CUL7: variants seen among roughly 807,000 people sequenced by gnomAD.
The protein encoded by CUL7 is cullin-7.
Under a neutral mutation model 177.7 loss-of-function variants are expected in CUL7, and 96 were observed. The observed-to-expected ratio is 0.54, with a 90% CI of 0.46 to 0.64. CUL7 has a LOEUF of 0.64. Among genes scored for constraint, CUL7 ranks in the 30% least tolerant of loss-of-function variants. The probability of loss-of-function intolerance (pLI) is 0.00; values close to 1 mark genes in which losing one functional copy is unlikely to be tolerated. For synonymous variants in CUL7, 824 were observed against 890.2 expected (o/e 0.93, Z 1.32); for missense variants, 1,893 against 2,187.9 (o/e 0.87, Z 2.69).
At position 43,051,886 on chromosome 6, in the gene CUL7, C is replaced by A; in HGVS notation, c.581-123G>T. On this transcript the variant is annotated intron_variant, in intron 2 of 25. Transcript: ENST00000265348. This position sits in a 1 kb window ranked among gnomAD's most constrained non-coding sequence, Gnocchi z 5.0. ...ACAATGAGAAAGAACTGATTTGCTT[C>A]AAAAGCTAAAATTTGCTAACTTATA... The A allele has an allele frequency of 7.5e-7, 1 of 1,340,954 alleles. No individual in the cohort carries two copies. 83.1% of individuals were successfully genotyped at this position (1,340,954 alleles called of 1,614,324 possible).
Position 43,051,521 on chromosome 6 carries a change from C to G in CUL7, c.733-53G>C, listed in dbSNP as rs1764409834. On this transcript the variant is annotated intron_variant, in intron 3 of 25. Coordinates refer to ENST00000265348, the MANE Select transcript of CUL7 (RefSeq NM_014780.5). The surrounding 1 kb of genome is among the most constrained non-coding windows in gnomAD (Gnocchi z 5.0). Reference sequence around the variant, plus strand: ...CCACCTTGTCCCAGTTTAAGCCCCTCTCTCCATACCATCCTCTGCAGATAG... The same window carrying G: ...CCACCTTGTCCCAGTTTAAGCCCCTGTCTCCATACCATCCTCTGCAGATAG... The G allele has an allele frequency of 6.2e-7, 1 of 1,614,032 alleles. No homozygotes were observed. The highest frequency in any genetic ancestry group is 8.5e-7 in the Non-Finnish European group (1 of 1,180,004).
At position 43,042,940 on chromosome 6, in the gene CUL7, C is replaced by T; in HGVS notation, c.3507G>A (p.Val1169=). 1.9e-6 allele frequency: 3 copies of T among 1,614,164 alleles called. No individual in the cohort carries two copies. Among genetic ancestry groups the T allele is most frequent in the Non-Finnish European group, 2.5e-6 (3 of 1,180,022 alleles). ...TATTAAAGTGCTCACAGTAGCGTGG[C>T]ACAAAGTCATCATCCCGCCAGGATG... is the stretch of plus-strand genomic sequence containing the variant. ...LTSSWRDDDF[V]PRYCEHFNIL... Residue 1169 remains valine, a synonymous_variant, in exon 19 of 26, where the codon GTG becomes GTA. Coordinates refer to ENST00000265348, the MANE Select transcript of CUL7 (RefSeq NM_014780.5).
In CUL7 at chr6:43,045,297, T is replaced by C. The variant is rs763644423; in HGVS notation, c.2968A>G (p.Met990Val). 85 of 1,614,042 alleles carry C rather than the reference T, an allele frequency of 5.3e-5. No homozygotes were observed. Among genetic ancestry groups the C allele is most frequent in the Non-Finnish European group, 6.7e-5 (79 of 1,180,024 alleles). Reference protein sequence around the residue: ...QLCRHTRLFYMVRAQAWSQDM... With the variant: ...QLCRHTRLFYVVRAQAWSQDM... ...TGGCTCCAGGCCTGTGCCCGAACCA[T>C]GTAGAAGAGGCGTGTGTGACGACAG... The change falls in exon 15 of 26, where the codon ATG (methionine) becomes GTG (valine). Residue 990 changes from methionine (M) to valine (V), a missense_variant. Around this residue, in one of 5 missense-constraint regions of CUL7, gnomAD observed 973 missense variants for 1,140.9 expected, o/e 0.85. Transcript: ENST00000265348. The surrounding 1 kb of genome is among the most constrained non-coding windows in gnomAD (Gnocchi z 4.8).
chr6:43,047,883 G>A, intron 9 of CUL7: 2 of 533,394 alleles, frequency 3.7e-6, no homozygotes, highest in Non-Finnish European at 3.3e-6. Flanking sequence ...TTACCAGTAA[G>A]GGGTGTGTGG....
chr6:43,040,841 T>G lies in CUL7; in HGVS notation c.3806+74A>C. On this transcript the variant is annotated intron_variant, in intron 20 of 25. Transcript: ENST00000265348. The surrounding 1 kb of genome is among the most constrained non-coding windows in gnomAD (Gnocchi z 4.2). ...CTCCAGCCTGCCTCTATCCCAGACT[T>G]CCAGGCCCATGAGCTGGCTCTGCCA... is the stretch of plus-strand genomic sequence containing the variant. The G allele has an allele frequency of 6.2e-7, 1 of 1,603,108 alleles. No individual in the cohort carries two copies. Among genetic ancestry groups the G allele is most frequent in the Admixed American group, 1.7e-5 (1 of 59,220 alleles).
At chr6:43,046,786 G>A (rs1561886328) in intron 10 of CUL7, 94 bp downstream of exon 10, 2 of 1,225,284 alleles carry the variant, frequency 1.6e-6, no homozygotes, top group Non-Finnish European at 1.2e-6. Flanking sequence ...GTCACCTGCT[G>A]TTCCCAGCCA....
chr6:43,049,766 C>A (rs1046812625), intron 6 of CUL7, 104 bp from the exon 7 acceptor site: 11 of 1,505,496 alleles, frequency 7.3e-6, no homozygotes, highest in African/African-American at 1.4e-5. Context: ...TACCCTCCAT[C>A]CTGATCCTCT....
rs568769987 is a variant in CUL7, at chr6:43,053,836, G to A, written c.-223C>T. ...GGGCCCGGTCCCTGCCAGCGGCTCCGCCAGCCAAAAGCCACGGCTCATTTC... is the reference window on the plus strand; with the variant it reads ...GGGCCCGGTCCCTGCCAGCGGCTCCACCAGCCAAAAGCCACGGCTCATTTC... On this transcript the variant is annotated 5_prime_UTR_variant, in exon 1 of 26. Transcript: ENST00000265348. This position sits in a 1 kb window ranked among gnomAD's most constrained non-coding sequence, Gnocchi z 4.1. 2.2e-5 allele frequency: 34 copies of A among 1,532,976 alleles called. No homozygotes were observed. Among genetic ancestry groups the A allele is most frequent in the Non-Finnish European group, 2.9e-5 (33 of 1,146,312 alleles). 95.0% of individuals were successfully genotyped at this position (1,532,976 alleles called of 1,614,324 possible).
Position 43,037,832 on chromosome 6 carries a change from A to G in CUL7, c.4953T>C (p.Thr1651=). The G allele has an allele frequency of 6.2e-7, 1 of 1,612,518 alleles. No individual in the cohort carries two copies. Among genetic ancestry groups the G allele is most frequent in the Non-Finnish European group, 8.5e-7 (1 of 1,179,388 alleles). Residue 1651 remains threonine, a synonymous_variant, in exon 26 of 26, where the codon ACT becomes ACC. Transcript: ENST00000265348. The part of the protein sequence containing the change: ...PQVLSYAVPV[T]VMEPHTESLN... ...GGGACTCAGTGTGAGGCTCCATGAC[A>G]GTCACAGGGACTGCATAGGACAGCA... is the stretch of plus-strand genomic sequence containing the variant.
chr6:43,052,568 A>T lies in CUL7; in HGVS notation c.221T>A (p.Ile74Asn). 6 of 1,614,166 alleles carry T rather than the reference A, an allele frequency of 3.7e-6. No homozygotes were observed. The highest frequency in any genetic ancestry group is 5.1e-6 in the Non-Finnish European group (6 of 1,180,018). ...CAGCATCTTGTGGCAGTTGGCATAG[A>T]TCTCATCCTTGGACATCCACAGCAG... is the stretch of plus-strand genomic sequence containing the variant. ...HILLWMSKDE[I>N]YANCHKMLGE... Residue 74 changes from isoleucine (I) to asparagine (N), a missense_variant, in exon 2 of 26, where the codon ATC becomes AAC. Physicochemically the swap from Ile to Asn is moderately radical, Grantham distance 149. Coordinates refer to ENST00000265348, the MANE Select transcript of CUL7 (RefSeq NM_014780.5). This position sits in a 1 kb window ranked among gnomAD's most constrained non-coding sequence, Gnocchi z 4.5.
chr6:43,045,497 G>T lies in CUL7; in HGVS notation c.2862+90C>A. 6.2e-7 allele frequency: 1 copy of T among 1,613,324 alleles called. No homozygotes were observed. The highest frequency in any genetic ancestry group is 1.1e-5 in the South Asian group (1 of 91,062). On this transcript the variant is annotated intron_variant, in intron 14 of 25. Transcript: ENST00000265348. The surrounding 1 kb of genome is among the most constrained non-coding windows in gnomAD (Gnocchi z 4.8). ...GAACCTCACCCCTGGAGCTGCTCGA[G>T]ACCCAGGCTGGTCCTCTGGCTTAAG...
In CUL7 at chr6:43,045,158, GC is replaced by G; in HGVS notation, c.3038+68del. 2.6e-6 allele frequency: 4 copies of G among 1,553,556 alleles called. No homozygotes were observed. The highest frequency in any genetic ancestry group is 3.5e-6 in the Non-Finnish European group (4 of 1,144,708). On this transcript the variant is annotated intron_variant, in intron 15 of 25. Coordinates refer to ENST00000265348, the MANE Select transcript of CUL7 (RefSeq NM_014780.5). The surrounding 1 kb of genome is among the most constrained non-coding windows in gnomAD (Gnocchi z 4.8). ...CATCTCACAGCTTCTATGGACCCCT[GC>G]CTGCCAGCTATTTGCAATAGCCTTA... is the stretch of plus-strand genomic sequence containing the variant.
At position 43,045,446 on chromosome 6, in the gene CUL7, G is replaced by A. The variant is rs1319640127; in HGVS notation, c.2863-44C>T. ...TATCTTCACTCGCTCCACACCTTGG[G>A]ATGGGCTGGGGTCAGCTACGCCCTC... On this transcript the variant is annotated intron_variant, in intron 14 of 25. Transcript: ENST00000265348. This position sits in a 1 kb window ranked among gnomAD's most constrained non-coding sequence, Gnocchi z 4.8. 7 of 1,614,120 alleles carry A rather than the reference G, an allele frequency of 4.3e-6. No individual in the cohort carries two copies. Among genetic ancestry groups the A allele is most frequent in the Non-Finnish European group, 5.9e-6 (7 of 1,180,022 alleles).
Position 43,050,941 on chromosome 6 carries a change from A to G in CUL7, c.1233+27T>C. ...GCCCTACCCCAAATAGACCCCCAACAGTATCCCACCACCATGTGCCACTCA... is the reference window on the plus strand; with the variant it reads ...GCCCTACCCCAAATAGACCCCCAACGGTATCCCACCACCATGTGCCACTCA... On this transcript the variant is annotated intron_variant, in intron 4 of 25. Coordinates refer to ENST00000265348, the MANE Select transcript of CUL7 (RefSeq NM_014780.5). The surrounding 1 kb of genome is among the most constrained non-coding windows in gnomAD (Gnocchi z 4.1). The G allele has an allele frequency of 6.2e-7, 1 of 1,612,934 alleles. No homozygotes were observed. Among genetic ancestry groups the G allele is most frequent in the Non-Finnish European group, 8.5e-7 (1 of 1,179,888 alleles).
Position 43,037,654 on chromosome 6 carries a change from C to G in CUL7, c.*34G>C. ...CTTGGGTTTTATTTCTGTAAAAGCTCCAGCTCTACCTTCCCCTGACCCCAA... is the reference window on the plus strand; with the variant it reads ...CTTGGGTTTTATTTCTGTAAAAGCTGCAGCTCTACCTTCCCCTGACCCCAA... On this transcript the variant is annotated 3_prime_UTR_variant, in exon 26 of 26. Transcript: ENST00000265348. 6.5e-7 allele frequency: 1 copy of G among 1,528,330 alleles called. No homozygotes were observed. The highest frequency in any genetic ancestry group is 8.9e-7 in the Non-Finnish European group (1 of 1,126,278). 94.7% of individuals were successfully genotyped at this position (1,528,330 alleles called of 1,614,324 possible).
Position 43,037,971 on chromosome 6 carries a change from C to G in CUL7, c.4814G>C (p.Gly1605Ala), listed in dbSNP as rs1292265736. The change falls in exon 26 of 26, where the codon GGT becomes GCT. Residue 1605 changes from glycine to alanine, a missense_variant. By Grantham distance (60) the Gly-to-Ala change is moderately conservative (BLOSUM62 0). Around this residue, in one of 5 missense-constraint regions of CUL7, gnomAD observed 248 missense variants for 262.5 expected, o/e 0.94. Coordinates refer to ENST00000265348, the MANE Select transcript of CUL7 (RefSeq NM_014780.5). Reference sequence around the variant, plus strand: ...CCCCTTACCAAGGCTGCTGACCAAACCCCTGGGAGGACACGGGCCCTTCTG... The same window carrying G: ...CCCCTTACCAAGGCTGCTGACCAAAGCCCTGGGAGGACACGGGCCCTTCTG... ...AWQKGPCPPR[G>A]LVSSLGKGSA... The G allele has an allele frequency of 1.3e-6, 2 of 1,596,838 alleles. No homozygotes were observed. The highest frequency in any genetic ancestry group is 2.2e-5 in the East Asian group (1 of 44,670).
intron 9 of CUL7, chr6:43,047,944 T>C: frequency 1.7e-6 from 1 of 594,754 alleles, no homozygotes; most frequent in Non-Finnish European, 3.0e-6. Context: ...TCTCAGTGTA[T>C]ACCTTGTTAG....
Position 43,053,516 on chromosome 6 carries a change from A to G in CUL7, c.-9+106T>C, listed in dbSNP as rs1166998244. ...AGGGGATTAGGCCCCATAAGCTAGAACCCCGAGGCACGGTAGGATGGGGAC... is the reference window on the plus strand; with the variant it reads ...AGGGGATTAGGCCCCATAAGCTAGAGCCCCGAGGCACGGTAGGATGGGGAC... On this transcript the variant is annotated intron_variant, in intron 1 of 25. Coordinates refer to ENST00000265348, the MANE Select transcript of CUL7 (RefSeq NM_014780.5). The surrounding 1 kb of genome is among the most constrained non-coding windows in gnomAD (Gnocchi z 4.1). The G allele has an allele frequency of 5.3e-6, 4 of 760,184 alleles. No individual in the cohort carries two copies. The highest frequency in any genetic ancestry group is 7.5e-6 in the Non-Finnish European group (4 of 536,762). 47.1% of individuals were successfully genotyped at this position (760,184 alleles called of 1,614,324 possible).
At chr6:43,042,055 GAGAA>G (rs913660202) in intron 19 of CUL7, among the ~76,000 whole-genome samples, 2 of 141,210 alleles carry the variant, frequency 1.4e-5, no homozygotes, top group Non-Finnish European at 1.6e-5. Flanking sequence ...AGGAAAGAAA[GAGAA>G]AGAGAGAAAG....
Sources: gnomAD v4.1 joint callset for allele counts (sites outside exome capture counted in the v4.1 genomes callset) on GRCh38, gnomAD v4.1.1 for gene constraint, gnomAD v4.1.1 regional missense constraint, Gnocchi (gnomAD v3.1) non-coding constraint, MANE v1.5 for transcripts, NCBI Gene and HGNC (gene_info 2026-07-23, HGNC 2026-07-21) for gene names.